The following MYPOP variants were observed in gnomAD, a reference collection of about 807,000 sequenced individuals.
MYPOP encodes Myb related transcription factor, partner of profilin.
In MYPOP, 21 loss-of-function variants were observed where a neutral mutation model predicts 25.7. The observed-to-expected ratio is 0.82, with a 90% confidence interval of 0.58 to 1.18. The LOEUF (loss-of-function observed/expected upper bound fraction) is 1.18. Ranked by LOEUF, MYPOP falls within the 50% of genes most tolerant of loss-of-function variation. The pLI, the probability that MYPOP is intolerant of heterozygous loss-of-function variation, is 0.00. For missense variants in MYPOP, 566 were observed against 588.3 expected, an observed-to-expected ratio of 0.96 and a Z score of 0.39; for synonymous variants, 280 against 247.9, an observed-to-expected ratio of 1.13 and a Z score of -1.22.
Position 45,901,325 on chromosome 19 carries a change from C to A in MYPOP, c.449G>T (p.Cys150Phe), listed in dbSNP as rs1221159803. The change falls in exon 2 of 3, where the codon TGC becomes TTC. Residue 150 changes from cysteine to phenylalanine, a missense_variant. Coordinates refer to ENST00000322217, the MANE Select transcript of MYPOP (RefSeq NM_001012643.4). The surrounding 1 kb of genome is among the most constrained non-coding windows in gnomAD (Gnocchi z 5.7). ...TTCCGACAACACGTAGCGCTGAGGGCAGGCGCTTGGGGGCGGCGGCTGTGA... is the reference window on the plus strand; with the variant it reads ...TTCCGACAACACGTAGCGCTGAGGGAAGGCGCTTGGGGGCGGCGGCTGTGA... ...PSSQPPPPSA[C>F]PQRYVLSEDR... 2.1e-6 allele frequency: 3 copies of A among 1,459,430 alleles called. No homozygotes were observed. The highest frequency in any genetic ancestry group is 2.7e-6 in the Non-Finnish European group (3 of 1,106,836). The allele number at this position is 1,459,430 out of a possible 1,614,324, so 90.4% of individuals were successfully genotyped here.
At chr19:45,895,758 T>C (rs1274812905) in intron 2 of MYPOP, among the ~76,000 whole-genome samples, 1 of 152,174 alleles carries the variant, frequency 6.6e-6, no homozygotes, top group East Asian at 1.9e-4. Context: ...GTCCAGCCTC[T>C]TCCCACGGCT....
intron 2 of MYPOP, among the ~76,000 whole-genome samples, chr19:45,899,901 C>T (rs1018733278): frequency 1.3e-5 from 2 of 152,096 alleles, no homozygotes; most frequent in African/African-American, 4.8e-5. Context: ...ACTTCCAAGC[C>T]ACGTGTAATC....
chr19:45,902,183 C>T (rs1967310692), intron 1 of MYPOP, among the ~76,000 whole-genome samples: 1 of 112,728 alleles, frequency 8.9e-6, no homozygotes, highest in Admixed American at 1.3e-4. Context: ...GGGGGTGCCT[C>T]GGGGGGGTCT....
intron 2 of MYPOP, 80 bp from the exon 3 acceptor site, chr19:45,891,403 C>T (rs1204522642): frequency 2.2e-6 from 3 of 1,394,376 alleles, no homozygotes; most frequent in South Asian, 3.2e-5. Context: ...CCTTCCCTCA[C>T]CTCCCCCCTA....
Position 45,890,569 on chromosome 19 carries a change from C to G in MYPOP, c.*54G>C. On this transcript the variant is annotated 3_prime_UTR_variant, in exon 3 of 3. Transcript: ENST00000322217. ...GATGGGCAGAGAGCATCGCCCCCCT[C>G]GACTGCGCCAAGCTGGGGAGAGGGG... The G allele has an allele frequency of 2.5e-6, 4 of 1,593,970 alleles. No homozygotes were observed. Among genetic ancestry groups the G allele is most frequent in the Non-Finnish European group, 2.6e-6 (3 of 1,168,854 alleles).
At position 45,891,443 on chromosome 19, in the gene MYPOP, CG is replaced by C. The variant is rs1219308751; in HGVS notation, c.500-121del. 18 of 1,211,910 alleles carry C rather than the reference CG, an allele frequency of 1.5e-5. No homozygotes were observed. In the African/African-American group the frequency reaches 2.8e-4, roughly 19 times the overall value. The allele number at this position is 1,211,910 out of a possible 1,614,324, so 75.1% of individuals were successfully genotyped here. A position where few individuals can be genotyped will look rare whatever the true frequency, so the allele number is the denominator to read the frequency against. ...AACCCAGAACTATCCTTCTCACCCC[CG>C]CCCCCCAGCCCCAAGACAGTCTTGG... On this transcript the variant is annotated intron_variant, in intron 2 of 2. Transcript: ENST00000322217.
chr19:45,895,083 G>A (rs1403971349), intron 2 of MYPOP, among the ~76,000 whole-genome samples: 1 of 152,030 alleles, frequency 6.6e-6, no homozygotes, highest in African/African-American at 2.4e-5. Context: ...ACCGTCCTGT[G>A]GCTCTCACCT....
rs1967100966 is a variant in MYPOP, at chr19:45,890,491, GC to G, written c.*131del. 7.0e-7 allele frequency: 1 copy of G among 1,436,176 alleles called. No individual in the cohort carries two copies. The highest frequency in any genetic ancestry group is 1.4e-5 in the African/African-American group (1 of 69,326). The allele number at this position is 1,436,176 out of a possible 1,614,324, so 89.0% of individuals were successfully genotyped here. On this transcript the variant is annotated 3_prime_UTR_variant, in exon 3 of 3. Coordinates refer to ENST00000322217, the MANE Select transcript of MYPOP (RefSeq NM_001012643.4). ...CCCCCAGAGAATCAGGCACTAACTA[GC>G]ACAGGGAGTGGGTGCTCACATCCCT...
At chr19:45,893,789 C>CTTT (rs60440195) in intron 2 of MYPOP, among the ~76,000 whole-genome samples, 1 of 134,888 alleles carries the variant, frequency 7.4e-6, no homozygotes. Flanking sequence ...TTTTATTTTA[C>CTTT]TTTTTTTTTT....
In MYPOP at chr19:45,890,783, C is replaced by A; in HGVS notation, c.1040G>T (p.Gly347Val). 6.6e-7 allele frequency: 1 copy of A among 1,511,192 alleles called. No individual in the cohort carries two copies. The highest frequency in any genetic ancestry group is 2.4e-5 in the East Asian group (1 of 41,528). The allele number at this position is 1,511,192 out of a possible 1,614,324, so 93.6% of individuals were successfully genotyped here. Residue 347 changes from glycine to valine, a missense_variant, in exon 3 of 3, where the codon GGG becomes GTG. Physicochemically the swap from Gly to Val is moderately radical, Grantham distance 109 (BLOSUM62 -3). Transcript: ENST00000322217. ...CACTCCCCTGGCTGCCACCACTGCC[C>A]CGTCCACCACAGCAGCCACCACGGA... ...PVSVVAAVVD[G>V]AVVAARGVII...
Position 45,901,455 on chromosome 19 carries a change from C to T in MYPOP, c.319G>A (p.Asp107Asn), listed in dbSNP as rs1456250596. 1 of 1,596,718 alleles carries T rather than the reference C, an allele frequency of 6.3e-7. No individual in the cohort carries two copies. Among genetic ancestry groups the T allele is most frequent in the South Asian group, 1.1e-5 (1 of 89,482 alleles). ...GTCTCCTCTTCCGCGGAGAAAGCGT[C>T]CTCCGCGGCGGGCCCGGCGCCCTGC... The part of the protein sequence containing the change: ...STQGAGPAAE[D>N]AFSAEEETIF... The change falls in exon 2 of 3, where the codon GAC becomes AAC. Residue 107 changes from aspartate (D) to asparagine (N), a missense_variant. By Grantham distance (23) the Asp-to-Asn change is conservative (BLOSUM62 1). Transcript: ENST00000322217. This position sits in a 1 kb window ranked among gnomAD's most constrained non-coding sequence, Gnocchi z 5.7.
chr19:45,893,980 G>A (rs1207637997), intron 2 of MYPOP, among the ~76,000 whole-genome samples: 1 of 150,430 alleles, frequency 6.6e-6, no homozygotes, highest in African/African-American at 2.4e-5. Flanking sequence ...TAGTAGAGAC[G>A]GGGTTTCACT....
At chr19:45,900,142 A>T (rs994607202) in intron 2 of MYPOP, among the ~76,000 whole-genome samples, 3 of 151,732 alleles carry the variant, frequency 2.0e-5, no homozygotes, top group Non-Finnish European at 4.4e-5. Flanking sequence ...CCTTCTCCAA[A>T]CTCTTCAGTG....
chr19:45,899,021 G>A (rs1241053727), intron 2 of MYPOP, among the ~76,000 whole-genome samples: 3 of 152,130 alleles, frequency 2.0e-5, no homozygotes, highest in Non-Finnish European at 2.9e-5. Context: ...GAGGTCGGGA[G>A]TTCGAGACCA....
At position 45,890,043 on chromosome 19, in the gene MYPOP, T is replaced by C. The variant is rs1967094302; in HGVS notation, c.*580A>G. On this transcript the variant is annotated 3_prime_UTR_variant, in exon 3 of 3. Coordinates refer to ENST00000322217, the MANE Select transcript of MYPOP (RefSeq NM_001012643.4). ...AGTAATTGTATTAAAAATAAGTTTA[T>C]TGATATCTTGTCACCACTGGGAGAA... 1 of 152,182 alleles carries C rather than the reference T, an allele frequency of 6.6e-6. No homozygotes were observed. The highest frequency in any genetic ancestry group is 2.1e-4 in the South Asian group (1 of 4,834). The allele number at this position is 152,182 out of a possible 1,614,324, so 9.4% of individuals were successfully genotyped here. A position where few individuals can be genotyped will look rare whatever the true frequency, so the allele number is the denominator to read the frequency against.
chr19:45,901,957 G>A lies in MYPOP; in HGVS notation c.-52-132C>T, dbSNP rs533385813. 259 of 406,242 alleles carry A rather than the reference G, an allele frequency of 6.4e-4. 2 individuals are homozygous for A. In the East Asian group the frequency reaches 9.6e-3, roughly 15 times the overall value. 25.2% of individuals were successfully genotyped at this position (406,242 alleles called of 1,614,324 possible). A position where few individuals can be genotyped will look rare whatever the true frequency, so the allele number is the denominator to read the frequency against. On this transcript the variant is annotated intron_variant, in intron 1 of 2. Transcript: ENST00000322217. This position sits in a 1 kb window ranked among gnomAD's most constrained non-coding sequence, Gnocchi z 5.7. ...GGGGCGGGGGGCGGGCGGGGGCGAC[G>A]GGCACCCGGGTAAGTCGGAAGCGCC...
intron 2 of MYPOP, among the ~76,000 whole-genome samples, chr19:45,898,727 A>G (rs1034973157): frequency 6.6e-6 from 1 of 151,924 alleles, no homozygotes; most frequent in Non-Finnish European, 1.5e-5. Context: ...CTTCTCCCAG[A>G]TGTCTGTCAG....
intron 1 of MYPOP, among the ~76,000 whole-genome samples, 186 bp from the exon 2 acceptor site, chr19:45,902,011 T>C (rs60425101): frequency 0.24 from 36,556 of 150,702 alleles, 4,849 homozygotes; most frequent in East Asian, 0.49. Flanking sequence ...GCTGAGCGCT[T>C]GGCTCGGACT....
chr19:45,895,666 AACGAGAAAAGAACTG>A (rs1967192844), intron 2 of MYPOP, among the ~76,000 whole-genome samples: 4 of 152,040 alleles, frequency 2.6e-5, no homozygotes, highest in Admixed American at 2.6e-4. Flanking sequence ...TTTTTTCTTT[AACGAGAAAAGAACTG>A]GGGCTTCCAG....
Sources: gnomAD v4.1 joint callset for allele counts (sites outside exome capture counted in the v4.1 genomes callset) on GRCh38, gnomAD v4.1.1 for gene constraint, Gnocchi (gnomAD v3.1) non-coding constraint, MANE v1.5 for transcripts, NCBI Gene and HGNC (gene_info 2026-07-23, HGNC 2026-07-21) for gene names.